Variants in HERC5 observed in about 807,000 individuals in gnomAD.
The protein encoded by HERC5 is E3 ISG15--protein ligase HERC5.
In HERC5, 99 loss-of-function variants were observed where a neutral mutation model predicts 119.6. That is an observed-to-expected ratio of 0.83 (90% confidence interval 0.70 to 0.98). The LOEUF is 0.98. HERC5 is among the 50% of genes least tolerant of loss of function. The pLI is 0.00. For synonymous variants in HERC5, 478 were observed against 445.9 expected (o/e 1.07, Z -0.91); for missense variants, 1,267 against 1,241.3 (o/e 1.02, Z -0.31).
chr4:88,466,010 A>G (rs1210542808), intron 6 of HERC5, among the ~76,000 whole-genome samples: 12 of 151,934 alleles, frequency 7.9e-5, no homozygotes, highest in Non-Finnish European at 1.5e-5. Context: ...GACAGGGTAC[A>G]GGATGTACAT....
rs549737287 is a variant in HERC5 at position 88,466,807 on chromosome 4, A to C, written c.912-252A>C. 2.6e-5 allele frequency among the ~76,000 whole-genome samples: 4 copies of C among 152,338 alleles called. No individual in the cohort carries two copies. In the East Asian group the frequency reaches 7.7e-4, roughly 29 times the overall value. On this transcript the variant is annotated intron_variant, in intron 6 of 22. Coordinates refer to ENST00000264350, the MANE Select transcript of HERC5 (RefSeq NM_016323.4). ...GATGTTGAAAAATGAGCAGAGGGCA[A>C]GGGGAGGTGCTTGTTTCAACAAAGG...
In HERC5 at chr4:88,475,826, C is replaced by G. The variant is rs781202822; in HGVS notation, c.1393-15C>G. ...GAGTTTTGAATCCCTTTTCCCTGTTCCTTTCTGACCACAGATAACCACCTG... is the reference window on the plus strand; with the variant it reads ...GAGTTTTGAATCCCTTTTCCCTGTTGCTTTCTGACCACAGATAACCACCTG... On this transcript the variant is annotated splice_polypyrimidine_tract_variant and intron_variant, in intron 11 of 22. Transcript: ENST00000264350. The G allele has an allele frequency of 1.2e-6, 2 of 1,611,996 alleles. No individual in the cohort carries two copies. Among genetic ancestry groups the G allele is most frequent in the Non-Finnish European group, 1.7e-6 (2 of 1,178,670 alleles).
intron 16 of HERC5, among the ~76,000 whole-genome samples, chr4:88,492,638 CT>C (rs1741680499): frequency 6.6e-6 from 1 of 151,946 alleles, no homozygotes; most frequent in East Asian, 2.0e-4. Context: ...CCCAGCTACT[CT>C]GGGGGCTGAG....
At chr4:88,463,286 A>T (rs2149085616) in intron 4 of HERC5, among the ~76,000 whole-genome samples, 1 of 152,356 alleles carries the variant, frequency 6.6e-6, no homozygotes, top group Non-Finnish European at 1.5e-5. Context: ...ATAACTGAGA[A>T]CAGGCTTTGG....
At chr4:88,490,854 A>AAC (rs1182163176) in intron 16 of HERC5, among the ~76,000 whole-genome samples, 4 of 152,062 alleles carry the variant, frequency 2.6e-5, no homozygotes, top group Admixed American at 6.6e-5. Flanking sequence ...CAAGGAAAAA[A>AAC]ATATATATAT....
chr4:88,489,492 G>T (rs1161647519), intron 16 of HERC5, among the ~76,000 whole-genome samples, 156 bp downstream of exon 16: 1 of 152,056 alleles, frequency 6.6e-6, no homozygotes, highest in African/African-American at 2.4e-5. Flanking sequence ...TTTGAGTTTT[G>T]GGTGATAGCT....
At chr4:88,457,713 G>T (rs1740220464) in intron 1 of HERC5, among the ~76,000 whole-genome samples, 179 bp downstream of exon 1, 1 of 152,234 alleles carries the variant, frequency 6.6e-6, no homozygotes, top group South Asian at 2.1e-4. Context: ...ATCCCGGTCA[G>T]TGTCAGGCGC....
At position 88,467,076 on chromosome 4, in the gene HERC5, A is replaced by G; in HGVS notation, c.929A>G (p.Tyr310Cys). 2 of 1,614,128 alleles carry G rather than the reference A, an allele frequency of 1.2e-6. No individual in the cohort carries two copies. The highest frequency in any genetic ancestry group is 1.7e-6 in the Non-Finnish European group (2 of 1,179,986). Residue 310 changes from tyrosine to cysteine, a missense_variant, in exon 7 of 23, where the codon TAT becomes TGT. Tyr to Cys is a radical substitution (Grantham distance 194). This residue lies in a region of HERC5 where 777 missense variants were observed against 758.0 expected (regional missense o/e 1.03). Coordinates refer to ENST00000264350, the MANE Select transcript of HERC5 (RefSeq NM_016323.4). The stretch of plus-strand genomic sequence containing the variant: ...TTTAATAGGTGGCACACACTTGCCT[A>G]TGTTTCTGATTTGGGAAAGGTCTTT... The part of the protein sequence containing the change: ...IACGRWHTLA[Y>C]VSDLGKVFSF...
Position 88,470,664 on chromosome 4 carries a change from T to A in HERC5, c.1289T>A (p.Leu430Ter), listed in dbSNP as rs779458539. The A allele has an allele frequency of 2.1e-6, 3 of 1,420,384 alleles. No homozygotes were observed. The highest frequency in any genetic ancestry group is 3.0e-6 in the Non-Finnish European group (3 of 1,009,250). The allele number at this position is 1,420,384 out of a possible 1,614,324, so 88.0% of individuals were successfully genotyped here. ...SSPACLTGSF[L>*]RKRRTTEMMP... is the part of the protein sequence containing the mutation. ...CCTGCTTGTCTAACTGGAAGTTTTT[T>A]AAGGAAAAGGTAATATATGTAATAA... Residue 430 changes from leucine (L) to a stop codon, truncating the protein, a stop_gained, in exon 10 of 23, where the codon TTA (leucine) becomes TAA (stop). Transcript: ENST00000264350. LOFTEE classifies it high-confidence loss of function.
rs1741053734 is a variant in HERC5, at chr4:88,475,986, C to T, written c.1538C>T (p.Ala513Val). 6.2e-7 allele frequency: 1 copy of T among 1,613,922 alleles called. No individual in the cohort carries two copies. The highest frequency in any genetic ancestry group is 8.5e-7 in the Non-Finnish European group (1 of 1,179,964). ...TGGGAGAGCCTTGTGGTTCCATTTG[C>T]AAAGGTTGTTTGTAAAATGAGTGAC... ...NNWESLVVPF[A>V]KVVCKMSDQS... is the part of the protein sequence containing the mutation. The change falls in exon 12 of 23, where the codon GCA becomes GTA. Residue 513 changes from alanine (A) to valine (V), a missense_variant. Transcript: ENST00000264350.
At chr4:88,488,607 T>TC (rs1314096472) in intron 15 of HERC5, among the ~76,000 whole-genome samples, 1 of 152,100 alleles carries the variant, frequency 6.6e-6, no homozygotes, top group Non-Finnish European at 1.5e-5. Flanking sequence ...TGTCTGTCTC[T>TC]CCCACTCTCT....
rs1741899401 is a variant in HERC5, at chr4:88,499,911, T to G, written c.2445-15T>G. ...GGTTATTACCTTTTTAAAAGCAAGA[T>G]TATTTTTTCCTTAGGAATTTGCAAA... On this transcript the variant is annotated splice_polypyrimidine_tract_variant and intron_variant, in intron 18 of 22. Coordinates refer to ENST00000264350, the MANE Select transcript of HERC5 (RefSeq NM_016323.4). 1 of 1,579,776 alleles carries G rather than the reference T, an allele frequency of 6.3e-7. No individual in the cohort carries two copies.
Position 88,457,188 on chromosome 4 carries a change from G to T in HERC5, c.-82G>T. The T allele has an allele frequency of 8.1e-7, 1 of 1,241,178 alleles. No individual in the cohort carries two copies. The allele number at this position is 1,241,178 out of a possible 1,614,324, so 76.9% of individuals were successfully genotyped here. A position where few individuals can be genotyped will look rare whatever the true frequency, so the allele number is the denominator to read the frequency against. On this transcript the variant is annotated 5_prime_UTR_variant, in exon 1 of 23. Coordinates refer to ENST00000264350, the MANE Select transcript of HERC5 (RefSeq NM_016323.4). Reference sequence around the variant, plus strand: ...GCTGGTTCCCGCTCTGCAGCGCAACGCCTGAGGCAGTGGGCGCGCTCAGTC... The same window carrying T: ...GCTGGTTCCCGCTCTGCAGCGCAACTCCTGAGGCAGTGGGCGCGCTCAGTC...
chr4:88,490,555 C>T (rs1741602824), intron 16 of HERC5, among the ~76,000 whole-genome samples: 1 of 152,096 alleles, frequency 6.6e-6, no homozygotes, highest in African/African-American at 2.4e-5. Context: ...AATTTAAAAG[C>T]ATATTGCCCC....
intron 20 of HERC5, among the ~76,000 whole-genome samples, chr4:88,503,280 T>C (rs1742000315): frequency 6.6e-6 from 1 of 152,206 alleles, no homozygotes; most frequent in Admixed American, 6.5e-5. Flanking sequence ...CATCTTAAAA[T>C]AATGAGGCTT....
rs1741924182 is a variant in HERC5 at position 88,500,788 on chromosome 4, G to A, written c.2512-127G>A. 8 of 719,882 alleles carry A rather than the reference G, an allele frequency of 1.1e-5. No homozygotes were observed. In the South Asian group the frequency reaches 1.2e-4, roughly 11 times the overall value. 44.6% of individuals were successfully genotyped at this position (719,882 alleles called of 1,614,324 possible). On this transcript the variant is annotated intron_variant, in intron 19 of 22. Transcript: ENST00000264350. ...TTTTTTGTTTGTACATTCCTTGCTAGCTTTTATGACAAAAATGTACATTTT... is the reference window on the plus strand; with the variant it reads ...TTTTTTGTTTGTACATTCCTTGCTAACTTTTATGACAAAAATGTACATTTT...
At chr4:88,469,352 C>A in intron 9 of HERC5, 92 bp downstream of exon 9, 1 of 809,710 alleles carries the variant, frequency 1.2e-6, no homozygotes, top group South Asian at 1.5e-5. Context: ...ATTTTGTAGT[C>A]AGGGTTTTCC....
chr4:88,494,563 C>A (rs951133637), intron 18 of HERC5, among the ~76,000 whole-genome samples: 1 of 152,194 alleles, frequency 6.6e-6, no homozygotes, highest in African/African-American at 2.4e-5. Flanking sequence ...TCAACTTTTT[C>A]TGTGTAGGAA....
Position 88,460,136 on chromosome 4 carries a change from CAT to C in HERC5, c.432_433del (p.Cys145TrpfsTer13), listed in dbSNP as rs1194876487. On this transcript the variant is annotated frameshift_variant, in exon 3 of 23. Transcript: ENST00000264350. LOFTEE classifies it high-confidence loss of function. ...CAAGAAAAAAAAATAATTCAGATCA[CAT>C]GTGGAGATTACCATTCTCTTGCACT... 2 of 1,588,440 alleles carry C rather than the reference CAT, an allele frequency of 1.3e-6. No individual in the cohort carries two copies. The highest frequency in any genetic ancestry group is 1.7e-6 in the Non-Finnish European group (2 of 1,159,472).
Sources: gnomAD v4.1 joint callset for allele counts (sites outside exome capture counted in the v4.1 genomes callset) on GRCh38, gnomAD v4.1.1 for gene constraint, gnomAD v4.1.1 regional missense constraint, MANE v1.5 for transcripts, NCBI Gene and HGNC (gene_info 2026-07-23, HGNC 2026-07-21) for gene names.